NRG2: variants seen among roughly 807,000 people sequenced by gnomAD.
NRG2 encodes the protein pro-neuregulin-2, membrane-bound isoform.
NRG2 carries 27 observed loss-of-function variants against 73.9 expected under a neutral mutation model. The observed-to-expected ratio is 0.37, with a 90% CI of 0.27 to 0.50. The LOEUF (loss-of-function observed/expected upper bound fraction) is 0.50, where lower values mean the gene tolerates loss of function less well. Among genes scored for constraint, NRG2 ranks in the 20% least tolerant of loss-of-function variants. The pLI, the probability that NRG2 is intolerant of heterozygous loss-of-function variation, is 0.96. For missense variants in NRG2, 1,126 were observed against 1,210.1 expected, an observed-to-expected ratio of 0.93 and a Z score of 1.03; for synonymous variants, 532 against 541.0, an observed-to-expected ratio of 0.98 and a Z score of 0.23.
chr5:139,961,536 G>C (rs911197902), intron 1 of NRG2, among the ~76,000 whole-genome samples: 1 of 152,174 alleles, frequency 6.6e-6, no homozygotes, highest in Non-Finnish European at 1.5e-5. Flanking sequence ...CCATCCCAGC[G>C]ACAGCAACCC....
At chr5:139,867,310 A>AGT (rs1240546473) in intron 4 of NRG2, among the ~76,000 whole-genome samples, 2 of 151,452 alleles carry the variant, frequency 1.3e-5, no homozygotes, top group Non-Finnish European at 2.9e-5. Flanking sequence ...TAGTGGTAGG[A>AGT]GTGTGTGTGT....
intron 1 of NRG2, among the ~76,000 whole-genome samples, chr5:140,022,181 G>A (rs1333457259): frequency 1.3e-5 from 2 of 152,136 alleles, no homozygotes; most frequent in Non-Finnish European, 2.9e-5. Context: ...ACATGTTTGA[G>A]CTTTCTTTCT....
intron 1 of NRG2, among the ~76,000 whole-genome samples, chr5:139,927,166 A>C (rs781544869): frequency 6.6e-6 from 1 of 152,208 alleles, no homozygotes; most frequent in South Asian, 2.1e-4. Flanking sequence ...TCCTGCTCTA[A>C]GAGGCCAAGA....
chr5:139,941,660 G>A (rs1190780281), intron 1 of NRG2, among the ~76,000 whole-genome samples: 1 of 152,152 alleles, frequency 6.6e-6, no homozygotes, highest in Non-Finnish European at 1.5e-5. Context: ...TACATTGCAG[G>A]TTAATTACTT....
At chr5:139,934,729 G>A (rs1048453010) in intron 1 of NRG2, among the ~76,000 whole-genome samples, 1 of 152,184 alleles carries the variant, frequency 6.6e-6, no homozygotes, top group Non-Finnish European at 1.5e-5. Context: ...TAAAGTAAAA[G>A]CATGGAAAAA....
At position 140,003,097 on chromosome 5, in the gene NRG2, C is replaced by G. The variant is rs77053673; in HGVS notation, c.700+39273G>C. Among the ~76,000 whole-genome samples, 504 of 152,264 alleles carry G rather than the reference C, an allele frequency of 3.3e-3. 2 individuals are homozygous for G. Among genetic ancestry groups the G allele is most frequent in the African/African-American group, 0.011 (477 of 41,544 alleles). On this transcript the variant is annotated intron_variant, in intron 1 of 9. Transcript: ENST00000361474. Reference sequence around the variant, plus strand: ...TTTTCAGCTACAGTGCCTGGCAACACAAGAGGTACTAAATGTGCTTCTTCA... The same window carrying G: ...TTTTCAGCTACAGTGCCTGGCAACAGAAGAGGTACTAAATGTGCTTCTTCA...
At chr5:139,897,207 C>T (rs1039635404) in intron 1 of NRG2, among the ~76,000 whole-genome samples, 1 of 152,214 alleles carries the variant, frequency 6.6e-6, no homozygotes, top group South Asian at 2.1e-4. Context: ...TGGCTCTGCC[C>T]AGCACTTGTA....
chr5:139,970,797 A>G (rs1318864254), intron 1 of NRG2, among the ~76,000 whole-genome samples: 1 of 152,214 alleles, frequency 6.6e-6, no homozygotes, highest in Non-Finnish European at 1.5e-5. Context: ...TAAAAATCAG[A>G]CAGAAAAGGC....
intron 1 of NRG2, among the ~76,000 whole-genome samples, chr5:139,895,019 G>C (rs893435002): frequency 6.6e-6 from 1 of 152,234 alleles, no homozygotes; most frequent in South Asian, 2.1e-4. Flanking sequence ...AAGGGGAAGG[G>C]AGGAGGAGGA....
Position 140,042,740 on chromosome 5 carries a change from G to T in NRG2, c.330C>A (p.Leu110=). 6.4e-7 allele frequency: 1 copy of T among 1,560,402 alleles called. No homozygotes were observed. The part of the protein sequence containing the change: ...GFSMLLFGVS[L]ACYSPSLKSV... ...ACTTGAGGCTGGGCGAGTAGCAGGC[G>T]AGCGACACACCGAAGAGCAGCATGG... Residue 110 remains leucine (L), a synonymous_variant, in exon 1 of 10, where the codon CTC becomes CTA. Transcript: ENST00000361474.
intron 1 of NRG2, among the ~76,000 whole-genome samples, chr5:139,889,138 G>A (rs1206525672): frequency 6.6e-6 from 1 of 152,126 alleles, no homozygotes; most frequent in Non-Finnish European, 1.5e-5. Context: ...GAGCATGTGG[G>A]TTAAGCATAG....
chr5:139,877,147 T>C (rs900102536), intron 3 of NRG2, among the ~76,000 whole-genome samples: 4 of 152,256 alleles, frequency 2.6e-5, no homozygotes, highest in Middle Eastern at 3.4e-3. Flanking sequence ...GGATGAGACA[T>C]CTGTTTCTCT....
In NRG2 at chr5:139,865,309, T is replaced by C; in HGVS notation, c.1189+240A>G. ...ACCATTTGTATTGGCCTTGCCACTCTGCCCCTTACCTGCAGCCCTGAACTT... is the reference window on the plus strand; with the variant it reads ...ACCATTTGTATTGGCCTTGCCACTCCGCCCCTTACCTGCAGCCCTGAACTT... On this transcript the variant is annotated intron_variant, in intron 5 of 9. Transcript: ENST00000361474. The surrounding 1 kb of genome is among the most constrained non-coding windows in gnomAD (Gnocchi z 5.2). 1 of 801,922 alleles carries C rather than the reference T, an allele frequency of 1.2e-6. No homozygotes were observed. Among genetic ancestry groups the C allele is most frequent in the East Asian group, 2.6e-5 (1 of 38,284 alleles). 49.7% of individuals were successfully genotyped at this position (801,922 alleles called of 1,614,324 possible).
intron 1 of NRG2, among the ~76,000 whole-genome samples, chr5:139,983,865 C>T (rs146360458): frequency 6.6e-6 from 1 of 152,148 alleles, no homozygotes; most frequent in Admixed American, 6.5e-5. Context: ...CTCTCTCATA[C>T]TGAAAGCTTT....
chr5:139,966,428 A>C (rs779023397), intron 1 of NRG2, among the ~76,000 whole-genome samples: 12 of 152,178 alleles, frequency 7.9e-5, no homozygotes, highest in Non-Finnish European at 1.6e-4. Context: ...GATATTAAGA[A>C]ACAAATGACT....
intron 1 of NRG2, among the ~76,000 whole-genome samples, chr5:139,967,987 A>G (rs1350972614): frequency 6.7e-6 from 1 of 149,938 alleles, no homozygotes; most frequent in Non-Finnish European, 1.5e-5. Flanking sequence ...ATAAATAAAT[A>G]AATAAATAAA....
At chr5:139,938,682 A>C (rs567442567) in intron 1 of NRG2, among the ~76,000 whole-genome samples, 57 of 152,030 alleles carry the variant, frequency 3.7e-4, no homozygotes, top group Non-Finnish European at 1.2e-4. Flanking sequence ...AAGTTAAAAT[A>C]ATCAAGAATG....
chr5:139,874,816 A>G (rs1020661556), intron 3 of NRG2, among the ~76,000 whole-genome samples: 1 of 152,164 alleles, frequency 6.6e-6, no homozygotes, highest in South Asian at 2.1e-4. Context: ...ATTTCAGACT[A>G]TGCTGGTCAT....
intron 1 of NRG2, among the ~76,000 whole-genome samples, chr5:139,982,723 G>A (rs1432265254): frequency 6.6e-6 from 1 of 152,120 alleles, no homozygotes; most frequent in Non-Finnish European, 1.5e-5. Context: ...TACAACTTTC[G>A]GGTGTTATCC....
Sources: gnomAD v4.1 joint callset for allele counts (sites outside exome capture counted in the v4.1 genomes callset) on GRCh38, gnomAD v4.1.1 for gene constraint, Gnocchi (gnomAD v3.1) non-coding constraint, MANE v1.5 for transcripts, NCBI Gene and HGNC (gene_info 2026-07-23, HGNC 2026-07-21) for gene names.